The following ABCA13 variants were observed in gnomAD, a reference collection of about 807,000 sequenced individuals.
The protein encoded by ABCA13 is ATP binding cassette subfamily A member 13, also known as ATP-binding cassette sub-family A member 13.
Under a neutral mutation model 478.7 loss-of-function variants are expected in ABCA13, and 476 were observed. That is an observed-to-expected ratio of 0.99 (90% CI 0.92 to 1.07). The LOEUF is 1.07. ABCA13 is among the 50% of genes least tolerant of loss of function. The pLI is 0.00. For synonymous variants in ABCA13, 2,252 were observed against 2,158.9 expected (o/e 1.04, Z -1.20); for missense variants, 6,060 against 5,910.6 (o/e 1.03, Z -0.83).
At chr7:48,181,607 A>T (rs1795707972) in intron 1 of ABCA13, among the ~76,000 whole-genome samples, 1 of 150,636 alleles carries the variant, frequency 6.6e-6, no homozygotes. Flanking sequence ...TTGTTAAATT[A>T]CTCTATTTTA....
Position 48,276,595 on chromosome 7 carries a change from T to C in ABCA13, c.6899+30T>C, listed in dbSNP as rs749731557. ...GTATACTTTTGCTTTGTGTCATATATGCAGTTGCGATATATCTCAAACTAC... is the reference window on the plus strand; with the variant it reads ...GTATACTTTTGCTTTGTGTCATATACGCAGTTGCGATATATCTCAAACTAC... On this transcript the variant is annotated intron_variant, in intron 17 of 61. Transcript: ENST00000435803. The C allele has an allele frequency of 5.1e-6, 8 of 1,572,734 alleles. No homozygotes were observed. In the Admixed American group the frequency reaches 6.7e-5, roughly 13 times the overall value.
At chr7:48,208,199 G>A (rs535247628) in intron 3 of ABCA13, among the ~76,000 whole-genome samples, 1 of 152,154 alleles carries the variant, frequency 6.6e-6, no homozygotes, top group South Asian at 2.1e-4. Flanking sequence ...CTAAAGCTTT[G>A]TAGTATATTT....
chr7:48,174,006 G>A (rs1171872187), intron 1 of ABCA13, among the ~76,000 whole-genome samples: 3 of 152,212 alleles, frequency 2.0e-5, no homozygotes, highest in South Asian at 2.1e-4. Context: ...GGGATAAAAT[G>A]TGAATATGTT....
At position 48,197,717 on chromosome 7, in the gene ABCA13, A is replaced by G. The variant is rs142270535; in HGVS notation, c.164-520A>G. ...CCATAGAGGTGGCTATTTTGTAGTG[A>G]CATTTGTTCTGAAAAGTCCTATTCA... On this transcript the variant is annotated intron_variant, in intron 2 of 61. Coordinates refer to ENST00000435803, the MANE Select transcript of ABCA13 (RefSeq NM_152701.5). Among the ~76,000 whole-genome samples, 1,188 of 151,920 alleles carry G rather than the reference A, an allele frequency of 7.8e-3. 9 individuals carry two copies. The highest frequency in any genetic ancestry group is 0.013 in the Non-Finnish European group (909 of 67,866).
intron 54 of ABCA13, among the ~76,000 whole-genome samples, chr7:48,527,209 GC>G (rs1832944652): frequency 6.6e-6 from 1 of 152,164 alleles, no homozygotes; most frequent in Non-Finnish European, 1.5e-5. Context: ...GACAGGGTAG[GC>G]CTGGGGGAGA....
chr7:48,275,427 T>C lies in ABCA13; in HGVS notation c.5761T>C (p.Trp1921Arg). ...TCTTGTGAAAACTGTGCAGAAATTT[T>C]GGCATAAGATATTACCGTTTGTCCC... Reference protein sequence around the residue: ...ISLVKTVQKFWHKILPFVPPS... With the variant: ...ISLVKTVQKFRHKILPFVPPS... Residue 1921 changes from tryptophan to arginine, a missense_variant, in exon 17 of 62, where the codon TGG (tryptophan) becomes CGG (arginine). By Grantham distance (101) the Trp-to-Arg change is moderately radical. Coordinates refer to ENST00000435803, the MANE Select transcript of ABCA13 (RefSeq NM_152701.5). The C allele has an allele frequency of 6.2e-7, 1 of 1,613,944 alleles. No homozygotes were observed. Among genetic ancestry groups the C allele is most frequent in the South Asian group, 1.1e-5 (1 of 91,088 alleles).
At chr7:48,198,826 C>T (rs372356667) in intron 3 of ABCA13, among the ~76,000 whole-genome samples, 1 of 152,184 alleles carries the variant, frequency 6.6e-6, no homozygotes, top group South Asian at 2.1e-4. Flanking sequence ...ACCACCTAAA[C>T]GGACTACAGG....
intron 10 of ABCA13, among the ~76,000 whole-genome samples, chr7:48,243,286 T>C (rs1791144724): frequency 6.6e-6 from 1 of 152,254 alleles, no homozygotes; most frequent in Non-Finnish European, 1.5e-5. Flanking sequence ...CATTTCTTTT[T>C]TCCTTGGGGA....
intron 58 of ABCA13, 55 bp from the exon 59 acceptor site, chr7:48,615,230 C>T (rs925046243): frequency 1.0e-5 from 13 of 1,260,566 alleles, no homozygotes; most frequent in African/African-American, 3.0e-5. Flanking sequence ...AAGTTTGACT[C>T]AACCCTCCCC....
intron 48 of ABCA13, among the ~76,000 whole-genome samples, chr7:48,501,560 G>T (rs1830744819): frequency 6.6e-6 from 1 of 152,158 alleles, no homozygotes; most frequent in Non-Finnish European, 1.5e-5. Context: ...ATGAGTAAGG[G>T]ACCTAGGAAG....
At chr7:48,204,500 C>T (rs961971796) in intron 3 of ABCA13, among the ~76,000 whole-genome samples, 2 of 152,136 alleles carry the variant, frequency 1.3e-5, no homozygotes, top group East Asian at 3.9e-4. Context: ...CGTGAGCCAC[C>T]GCGCCCGGCC....
chr7:48,324,782 G>A (rs571072355), intron 27 of ABCA13, among the ~76,000 whole-genome samples: 20 of 152,236 alleles, frequency 1.3e-4, no homozygotes, highest in South Asian at 6.2e-4. Context: ...CATGCATGGC[G>A]TTTGTTCCTT....
chr7:48,370,407 T>C (rs1272025379), intron 32 of ABCA13, among the ~76,000 whole-genome samples: 1 of 152,208 alleles, frequency 6.6e-6, no homozygotes, highest in Admixed American at 6.5e-5. Context: ...TTGATTGCTC[T>C]GACTAGGACT....
chr7:48,466,357 T>TAC (rs1407132108), intron 43 of ABCA13, among the ~76,000 whole-genome samples: 1 of 152,210 alleles, frequency 6.6e-6, no homozygotes, highest in African/African-American at 2.4e-5. Flanking sequence ...CTGCTTGAAC[T>TAC]ACAAATAGAC....
At chr7:48,441,108 T>G (rs1032811435) in intron 42 of ABCA13, among the ~76,000 whole-genome samples, 4 of 152,208 alleles carry the variant, frequency 2.6e-5, no homozygotes, top group African/African-American at 9.6e-5. Flanking sequence ...AATTTTATTA[T>G]ATTCTTCAAA....
chr7:48,605,068 TC>T (rs1478188331), intron 58 of ABCA13, among the ~76,000 whole-genome samples: 1 of 152,204 alleles, frequency 6.6e-6, no homozygotes, highest in African/African-American at 2.4e-5. Context: ...TCTTTTGCTT[TC>T]CATTTGCTTG....
chr7:48,379,664 T>C (rs1184001985), intron 35 of ABCA13, among the ~76,000 whole-genome samples: 1 of 152,054 alleles, frequency 6.6e-6, no homozygotes, highest in Non-Finnish European at 1.5e-5. Context: ...TAAAGAGAAA[T>C]GTAGATACTA....
chr7:48,625,479 TACTAACC>T (rs1300570114), intron 59 of ABCA13, among the ~76,000 whole-genome samples: 1 of 152,220 alleles, frequency 6.6e-6, no homozygotes, highest in Non-Finnish European at 1.5e-5. Context: ...CACCTGCTGC[TACTAACC>T]ACTGAATTAA....
At chr7:48,604,591 A>T (rs933831704) in intron 58 of ABCA13, among the ~76,000 whole-genome samples, 8 of 152,176 alleles carry the variant, frequency 5.3e-5, no homozygotes, top group African/African-American at 1.9e-4. Context: ...CTGTGGTCTG[A>T]GAGACTGTTA....
Sources: allele counts gnomAD v4.1 joint callset (sites outside exome capture counted in the v4.1 genomes callset), GRCh38; gene constraint gnomAD v4.1.1; transcripts MANE v1.5; gene names NCBI Gene and HGNC (gene_info 2026-07-23, HGNC 2026-07-21).